The following PZP variants were observed in gnomAD, a reference collection of about 807,000 sequenced individuals.
The protein encoded by PZP is PZP alpha-2-macroglobulin like.
Under a neutral mutation model 179.8 loss-of-function variants are expected in PZP, and 150 were observed. The ratio of observed to expected loss-of-function variants is 0.83; its 90% confidence interval spans 0.73 to 0.96. The LOEUF (loss-of-function observed/expected upper bound fraction) is 0.96, where lower values mean the gene tolerates loss of function less well. Among genes scored for constraint, PZP ranks in the 40% least tolerant of loss-of-function variants. The probability of loss-of-function intolerance (pLI) is 0.00; values close to 1 mark genes in which losing one functional copy is unlikely to be tolerated. For synonymous variants in PZP, 624 were observed against 652.3 expected (o/e 0.96, Z 0.66); for missense variants, 1,689 against 1,764.0 (o/e 0.96, Z 0.76).
chr12:9,140,959 T>C, the PZP span, among the ~76,000 whole-genome samples: 2 of 152,182 alleles, frequency 1.3e-5, no homozygotes, highest in Admixed American at 6.5e-5. Flanking sequence ...CAGATTCTTA[T>C]TGCACTGATG....
chr12:9,157,194 A>G lies in PZP; in HGVS notation c.3531T>C (p.Asp1177=). ...NQNREILNSL[D]KEAVKEDNLV... ...TCTCACCTTCTTTCACAGCTTCCTT[A>G]TCAAGTGAGTTCAGTATTTCTCTAT... The change falls in exon 28 of 36, where the codon GAT becomes GAC. Residue 1177 remains aspartate (D), a synonymous_variant. Transcript: ENST00000261336. 6.2e-7 allele frequency: 1 copy of G among 1,613,664 alleles called. No individual in the cohort carries two copies. Among genetic ancestry groups the G allele is most frequent in the Non-Finnish European group, 8.5e-7 (1 of 1,179,726 alleles).
chr12:9,171,053 G>C (rs1291414073), intron 15 of PZP, among the ~76,000 whole-genome samples: 1 of 152,174 alleles, frequency 6.6e-6, no homozygotes, highest in African/African-American at 2.4e-5. Flanking sequence ...GACTGGGCGA[G>C]ACCTCCCAAT....
intron 21 of PZP, 40 bp from the exon 22 acceptor site, chr12:9,162,688 T>C (rs762422194): frequency 6.7e-7 from 1 of 1,482,060 alleles, no homozygotes; most frequent in South Asian, 1.2e-5. Flanking sequence ...GATAGAAACA[T>C]CCTGGTGACA....
chr12:9,198,869 G>A (rs1352866019), intron 7 of PZP, among the ~76,000 whole-genome samples: 1 of 152,180 alleles, frequency 6.6e-6, no homozygotes, highest in African/African-American at 2.4e-5. Context: ...CTCTGAGGCT[G>A]AAATGAGGCA....
chr12:9,193,048 AT>A (rs1417557377), intron 11 of PZP, among the ~76,000 whole-genome samples: 1 of 152,182 alleles, frequency 6.6e-6, no homozygotes, highest in East Asian at 1.9e-4. Context: ...TGGAAAAGGG[AT>A]TTTTCAGATA....
At chr12:9,162,056 G>A (rs1054516105) in intron 22 of PZP, among the ~76,000 whole-genome samples, 4 of 152,038 alleles carry the variant, frequency 2.6e-5, no homozygotes, top group South Asian at 4.1e-4. Flanking sequence ...CCCCCTGCCC[G>A]GCTCAAGCGA....
intron 6 of PZP, 89 bp downstream of exon 6, chr12:9,200,803 A>G (rs374759534): frequency 7.3e-7 from 1 of 1,371,852 alleles, no homozygotes; most frequent in African/African-American, 1.4e-5. Flanking sequence ...TGCAAGTTCA[A>G]CATATCTACA....
At chr12:9,150,528 G>T in intron 34 of PZP, 116 bp downstream of exon 34, 4 of 682,434 alleles carry the variant, frequency 5.9e-6, no homozygotes, top group South Asian at 1.9e-5. Flanking sequence ...TGTACATCTT[G>T]GAGGAAAGAA....
intron 35 of PZP, 152 bp downstream of exon 35, chr12:9,149,409 G>T (rs112667658): frequency 2.9e-5 from 20 of 681,932 alleles, no homozygotes; most frequent in African/African-American, 2.7e-4. Context: ...TACAGAATAG[G>T]CATGCTACGC....
rs1162185137 is a variant in PZP at position 9,170,115 on chromosome 12, G to C, written c.1840-524C>G. ...TGAAATACCCAGGTTCTCACATTGAGACTGACTAGGCAAGCAACTTGAGCC... is the reference window on the plus strand; with the variant it reads ...TGAAATACCCAGGTTCTCACATTGACACTGACTAGGCAAGCAACTTGAGCC... On this transcript the variant is annotated intron_variant, in intron 15 of 35. Coordinates refer to ENST00000261336, the MANE Select transcript of PZP (RefSeq NM_002864.3). The surrounding 1 kb of genome is among the most constrained non-coding windows in gnomAD (Gnocchi z 4.6). 1 of 152,252 alleles carries C rather than the reference G, an allele frequency of 6.6e-6. No homozygotes were observed. Among genetic ancestry groups the C allele is most frequent in the African/African-American group, 2.4e-5 (1 of 41,442 alleles). The allele number at this position is 152,252 out of a possible 1,614,324, so 9.4% of individuals were successfully genotyped here. A position where few individuals can be genotyped will look rare whatever the true frequency, so the allele number is the denominator to read the frequency against.
chr12:9,154,801 C>T lies in PZP; in HGVS notation c.3589G>A (p.Ala1197Thr), dbSNP rs1205466741. 1.9e-6 allele frequency: 3 copies of T among 1,614,000 alleles called. No individual in the cohort carries two copies. The highest frequency in any genetic ancestry group is 1.7e-5 in the Admixed American group (1 of 59,996). The change falls in exon 29 of 36, where the codon GCA (alanine) becomes ACA (threonine). Residue 1197 changes from alanine to threonine, a missense_variant. Ala to Thr is a moderately conservative substitution (Grantham distance 58). Coordinates refer to ENST00000261336, the MANE Select transcript of PZP (RefSeq NM_002864.3). ...VHWERPQRPK[A>T]PVGHLYQTQA... ...GTTTGGTAAAGATGCCCCACTGGTGCCTTGGGTCTCTGAGGGCGCTCCCAA... is the reference window on the plus strand; with the variant it reads ...GTTTGGTAAAGATGCCCCACTGGTGTCTTGGGTCTCTGAGGGCGCTCCCAA...
chr12:9,194,180 A>G lies in PZP; in HGVS notation c.1151T>C (p.Val384Ala), dbSNP rs1943613299. The stretch of plus-strand genomic sequence containing the variant: ...ATTGGAGTAATAATTGGCGTCATTC[A>G]CAGAGATGAAGAAGAGTTTATTGGG... ...PIPNKLFFIS[V>A]NDANYYSNAT... Residue 384 changes from valine to alanine, a missense_variant, in exon 11 of 36, where the codon GTG becomes GCG. Around this residue, in one of 3 missense-constraint regions of PZP, gnomAD observed 742 missense variants for 730.5 expected, o/e 1.02. Coordinates refer to ENST00000261336, the MANE Select transcript of PZP (RefSeq NM_002864.3). 1.2e-6 allele frequency: 2 copies of G among 1,614,064 alleles called. No individual in the cohort carries two copies.
At chr12:9,187,819 T>C (rs1489282646) in intron 13 of PZP, among the ~76,000 whole-genome samples, 1 of 152,204 alleles carries the variant, frequency 6.6e-6, no homozygotes, top group East Asian at 1.9e-4. Context: ...CCCTAATCAC[T>C]ACTTGCTCTT....
intron 29 of PZP, among the ~76,000 whole-genome samples, chr12:9,153,865 C>T (rs1294093675): frequency 6.6e-6 from 1 of 152,192 alleles, no homozygotes; most frequent in South Asian, 2.1e-4. Flanking sequence ...AAGCCAGACA[C>T]TCTGGGTGTT....
intron 29 of PZP, 34 bp from the exon 30 acceptor site, chr12:9,153,377 G>A: frequency 6.4e-7 from 1 of 1,565,198 alleles, no homozygotes; most frequent in South Asian, 1.1e-5. Context: ...GCCCCAAAGA[G>A]TAAATTTTTG....
At chr12:9,175,741 T>C (rs1461221201) in intron 15 of PZP, among the ~76,000 whole-genome samples, 3 of 152,022 alleles carry the variant, frequency 2.0e-5, no homozygotes, top group Non-Finnish European at 2.9e-5. Flanking sequence ...GAAATGCAAA[T>C]CAAAACCACA....
intron 4 of PZP, among the ~76,000 whole-genome samples, chr12:9,202,103 C>T (rs1944194734): frequency 6.6e-6 from 1 of 152,052 alleles, no homozygotes; most frequent in African/African-American, 2.4e-5. Flanking sequence ...GCAGCTATTG[C>T]CAGACTGATT....
downstream of PZP, among the ~76,000 whole-genome samples, chr12:9,146,781 C>T (rs950324172): frequency 5.9e-5 from 9 of 152,124 alleles, no homozygotes; most frequent in African/African-American, 2.2e-4. Flanking sequence ...ATAGTGTTCA[C>T]CACTTCAAAT....
intron 7 of PZP, among the ~76,000 whole-genome samples, chr12:9,199,903 A>G (rs1411526594): frequency 6.6e-6 from 1 of 152,220 alleles, no homozygotes; most frequent in Non-Finnish European, 1.5e-5. Context: ...CTTAGGAGTC[A>G]TAATAACCAA....
Sources: gnomAD v4.1 joint callset for allele counts (sites outside exome capture counted in the v4.1 genomes callset) on GRCh38, gnomAD v4.1.1 for gene constraint, gnomAD v4.1.1 regional missense constraint, Gnocchi (gnomAD v3.1) non-coding constraint, MANE v1.5 for transcripts, NCBI Gene and HGNC (gene_info 2026-07-23, HGNC 2026-07-21) for gene names.